The following FSTL5 variants were observed in gnomAD, a reference collection of about 807,000 sequenced individuals.
The protein encoded by FSTL5 is follistatin-related protein 5.
In FSTL5, 62 loss-of-function variants were observed where a neutral mutation model predicts 89.1. The ratio of observed to expected loss-of-function variants is 0.70; its 90% CI spans 0.57 to 0.86. The LOEUF (loss-of-function observed/expected upper bound fraction) is 0.86, where lower values mean the gene tolerates loss of function less well. FSTL5 is among the 40% of genes least tolerant of loss of function. The pLI is 0.00. For missense variants in FSTL5, 1,057 were observed against 1,001.6 expected, an observed-to-expected ratio of 1.06 and a Z score of -0.75; for synonymous variants, 383 against 346.2, an observed-to-expected ratio of 1.11 and a Z score of -1.18.
chr4:161,831,314 A>G (rs1730838140), intron 4 of FSTL5, among the ~76,000 whole-genome samples: 1 of 151,924 alleles, frequency 6.6e-6, no homozygotes, highest in African/African-American at 2.4e-5. Context: ...TTTTCTTTGG[A>G]TATTTAAATT....
intron 6 of FSTL5, among the ~76,000 whole-genome samples, chr4:161,668,860 C>T (rs1009914110): frequency 6.6e-6 from 1 of 151,452 alleles, no homozygotes; most frequent in Non-Finnish European, 1.5e-5. Context: ...GCCTGTAATC[C>T]CAGCACTTTG....
chr4:161,775,850 A>T (rs1579083345), intron 5 of FSTL5, 28 bp downstream of exon 5: 1 of 1,169,410 alleles, frequency 8.6e-7, no homozygotes. Flanking sequence ...TATTTCAGTA[A>T]GTTTGTTAAT....
intron 15 of FSTL5, among the ~76,000 whole-genome samples, chr4:161,397,349 G>A (rs1444023448): frequency 6.6e-6 from 1 of 151,746 alleles, no homozygotes; most frequent in Admixed American, 6.6e-5. Flanking sequence ...GAAAATATTG[G>A]TGGAATAGAA....
At chr4:161,720,504 T>G (rs1320245576) in intron 6 of FSTL5, among the ~76,000 whole-genome samples, 1 of 152,132 alleles carries the variant, frequency 6.6e-6, no homozygotes, top group Admixed American at 6.5e-5. Flanking sequence ...GCAATCCCAC[T>G]TCTCAGTATA....
At chr4:161,587,648 T>A in intron 7 of FSTL5, 73 bp from the exon 8 acceptor site, 1 of 1,205,664 alleles carries the variant, frequency 8.3e-7, no homozygotes, top group Non-Finnish European at 1.2e-6. Context: ...TTAAAAGGTG[T>A]ATTCAGGTAC....
At chr4:161,533,357 C>G (rs1015948944) in intron 10 of FSTL5, among the ~76,000 whole-genome samples, 1 of 151,802 alleles carries the variant, frequency 6.6e-6, no homozygotes, top group Non-Finnish European at 1.5e-5. Flanking sequence ...AAGAGAAGAT[C>G]CAAGTGAGTT....
At chr4:161,508,817 T>C (rs535766556) in intron 11 of FSTL5, among the ~76,000 whole-genome samples, 1 of 152,298 alleles carries the variant, frequency 6.6e-6, no homozygotes, top group African/African-American at 2.4e-5. Flanking sequence ...AAATATTGTA[T>C]TGGAAGCATC....
intron 7 of FSTL5, among the ~76,000 whole-genome samples, chr4:161,640,260 T>G (rs931773958): frequency 3.9e-5 from 6 of 152,104 alleles, no homozygotes; most frequent in South Asian, 2.1e-4. Flanking sequence ...CTTTAAAAAT[T>G]TAACATGTAT....
chr4:162,004,019 A>T (rs1736539714), intron 3 of FSTL5, among the ~76,000 whole-genome samples: 1 of 152,218 alleles, frequency 6.6e-6, no homozygotes, highest in African/African-American at 2.4e-5. Flanking sequence ...TGTTGTTTTC[A>T]TCATTTTCTA....
chr4:161,598,375 AAAACAAACAAAC>A (rs34689880), intron 7 of FSTL5, among the ~76,000 whole-genome samples: 6 of 149,804 alleles, frequency 4.0e-5, no homozygotes, highest in Non-Finnish European at 7.4e-5. Context: ...ACCCTGTCTC[AAAACAAACAAAC>A]AAACAAACAA....
At chr4:161,858,530 C>G (rs184291451) in intron 4 of FSTL5, among the ~76,000 whole-genome samples, 14 of 152,248 alleles carry the variant, frequency 9.2e-5, no homozygotes, top group African/African-American at 2.6e-4. Flanking sequence ...GATATCAATC[C>G]TACATTCCCA....
chr4:161,862,055 T>C (rs1731934183), intron 4 of FSTL5, among the ~76,000 whole-genome samples: 1 of 152,236 alleles, frequency 6.6e-6, no homozygotes, highest in Non-Finnish European at 1.5e-5. Context: ...GAATTCTTTA[T>C]GCAAATACTT....
chr4:162,130,730 C>CA (rs963145971), intron 1 of FSTL5, among the ~76,000 whole-genome samples: 28 of 152,034 alleles, frequency 1.8e-4, no homozygotes, highest in African/African-American at 6.5e-4. Flanking sequence ...ATAACAGCAA[C>CA]AAAAAAAGCT....
intron 1 of FSTL5, among the ~76,000 whole-genome samples, chr4:162,125,394 A>AT (rs1227929119): frequency 6.6e-6 from 1 of 152,170 alleles, no homozygotes; most frequent in Non-Finnish European, 1.5e-5. Flanking sequence ...TTTGAGGCAC[A>AT]GTATAATGAC....
intron 3 of FSTL5, among the ~76,000 whole-genome samples, chr4:161,981,160 G>A (rs1376522896): frequency 2.6e-5 from 4 of 152,102 alleles, no homozygotes; most frequent in African/African-American, 9.7e-5. Flanking sequence ...ACCTATTGCT[G>A]AAAAGTCAGT....
rs182637300 is a variant in FSTL5 at position 162,000,836 on chromosome 4, A to G, written c.160+32789T>C. On this transcript the variant is annotated intron_variant, in intron 3 of 15. Coordinates refer to ENST00000306100, the MANE Select transcript of FSTL5 (RefSeq NM_020116.5). ...GGGAAGTAGACTTCAAATAAGAATT[A>G]CAGCCCTTGGCACAAAATAAGGAAG... is the stretch of plus-strand genomic sequence containing the variant. Among the ~76,000 whole-genome samples, 324 of 152,226 alleles carry G rather than the reference A, an allele frequency of 2.1e-3. 3 individuals are homozygous for G. The highest frequency in any genetic ancestry group is 7.4e-3 in the African/African-American group (309 of 41,524).
chr4:161,711,608 C>T (rs894570376), intron 6 of FSTL5, among the ~76,000 whole-genome samples: 2 of 152,004 alleles, frequency 1.3e-5, no homozygotes, highest in African/African-American at 4.8e-5. Context: ...TCTTTAGAAG[C>T]TATTTTTAAC....
chr4:161,680,102 C>A (rs1243565230), intron 6 of FSTL5, among the ~76,000 whole-genome samples: 1 of 151,722 alleles, frequency 6.6e-6, no homozygotes, highest in Non-Finnish European at 1.5e-5. Context: ...TTGAAAGATA[C>A]AATTTTATCT....
chr4:161,683,685 G>A (rs1231772053), intron 6 of FSTL5, among the ~76,000 whole-genome samples: 1 of 152,112 alleles, frequency 6.6e-6, no homozygotes, highest in Non-Finnish European at 1.5e-5. Context: ...TTACATGCAT[G>A]CATATAATAT....
Sources: allele counts gnomAD v4.1 joint callset (sites outside exome capture counted in the v4.1 genomes callset), GRCh38; gene constraint gnomAD v4.1.1; transcripts MANE v1.5; gene names NCBI Gene and HGNC (gene_info 2026-07-23, HGNC 2026-07-21).